The following PWP1 variants were observed in gnomAD, a reference collection of about 807,000 sequenced individuals.
The protein encoded by PWP1 is PWP1 homolog, endonuclein.
In PWP1, 47 loss-of-function variants were observed where a neutral mutation model predicts 69.9. The observed-to-expected ratio is 0.67, with a 90% CI of 0.53 to 0.86. The LOEUF is 0.86. PWP1 is among the 40% of genes least tolerant of loss of function. The probability of loss-of-function intolerance (pLI) is 0.00; values close to 1 mark genes in which losing one functional copy is unlikely to be tolerated. For synonymous variants in PWP1, 222 were observed against 208.2 expected (o/e 1.07, Z -0.57); for missense variants, 551 against 608.8 (o/e 0.91, Z 1.00).
chr12:107,693,346 T>C lies in PWP1; in HGVS notation c.502+250T>C, dbSNP rs370381325. Among the ~76,000 whole-genome samples, 18 of 152,226 alleles carry C rather than the reference T, an allele frequency of 1.2e-4. 1 individual carries two copies. In the South Asian group the frequency reaches 3.7e-3, roughly 32 times the overall value. ...GAAATTTTTCATAGGGGTGTTTTTT[T>C]TTGTTTTTATATATAAACAGGGTCT... On this transcript the variant is annotated intron_variant, in intron 5 of 14. Coordinates refer to ENST00000412830, the MANE Select transcript of PWP1 (RefSeq NM_007062.3).
In PWP1 at chr12:107,697,505, G is replaced by C; in HGVS notation, c.652G>C (p.Glu218Gln). 6.2e-7 allele frequency: 1 copy of C among 1,603,174 alleles called. No homozygotes were observed. The highest frequency in any genetic ancestry group is 8.5e-7 in the Non-Finnish European group (1 of 1,175,940). ...IAVGNMTPVI[E>Q]VWDLDIVDSL... is the part of the protein sequence containing the mutation. Reference sequence around the variant, plus strand: ...TGTAGGAAACATGACCCCTGTTATTGAAGTGTGGGACCTTGATATAGTGGA... The same window carrying C: ...TGTAGGAAACATGACCCCTGTTATTCAAGTGTGGGACCTTGATATAGTGGA... The change falls in exon 7 of 15, where the codon GAA (glutamate) becomes CAA (glutamine). Residue 218 changes from glutamate to glutamine, a missense_variant. Physicochemically the swap from Glu to Gln is conservative, Grantham distance 29 (BLOSUM62 2). Transcript: ENST00000412830.
At chr12:107,686,301 C>CACCACTAG (rs964704738) in intron 1 of PWP1, among the ~76,000 whole-genome samples, 15 of 152,208 alleles carry the variant, frequency 9.9e-5, no homozygotes, top group African/African-American at 3.6e-4. Flanking sequence ...TTTTTGACAA[C>CACCACTAG]ACCACTAGCT....
chr12:107,706,556 C>T (rs1387048804), intron 11 of PWP1, among the ~76,000 whole-genome samples: 2 of 152,040 alleles, frequency 1.3e-5, no homozygotes, highest in Non-Finnish European at 2.9e-5. Context: ...GTCTTTAATC[C>T]ATCTGGAATT....
chr12:107,697,689 C>A, intron 7 of PWP1, 92 bp downstream of exon 7: 2 of 1,299,096 alleles, frequency 1.5e-6, no homozygotes, highest in Non-Finnish European at 2.2e-6. Context: ...CTTTTTCAAT[C>A]AGGTATTCTT....
intron 5 of PWP1, among the ~76,000 whole-genome samples, chr12:107,695,106 A>T (rs1889557772): frequency 6.6e-6 from 1 of 151,504 alleles, no homozygotes; most frequent in Non-Finnish European, 1.5e-5. Context: ...ATACAAAAAA[A>T]AAAAAAAAAA....
Position 107,701,227 on chromosome 12 carries a change from A to G in PWP1, c.807-1708A>G, listed in dbSNP as rs57219111. ...CTGTAGTCTTGACCTTCTGGGGCTC[A>G]GGTGATCCTCCCACCTCAGCCTCCC... On this transcript the variant is annotated intron_variant, in intron 8 of 14. Transcript: ENST00000412830. 1.6e-3 allele frequency among the ~76,000 whole-genome samples: 240 copies of G among 152,194 alleles called. 1 individual carries two copies. Among genetic ancestry groups the G allele is most frequent in the African/African-American group, 5.5e-3 (228 of 41,526 alleles).
chr12:107,686,285 A>G (rs1889363517), intron 1 of PWP1: 1 of 474,994 alleles, frequency 2.1e-6, no homozygotes, highest in Non-Finnish European at 3.9e-6. Flanking sequence ...TAATACCCCA[A>G]AAGGCTTTTT....
intron 3 of PWP1, among the ~76,000 whole-genome samples, chr12:107,691,569 A>G (rs1889479748): frequency 6.6e-6 from 1 of 152,182 alleles, no homozygotes; most frequent in Non-Finnish European, 1.5e-5. Flanking sequence ...GGCACTAGGA[A>G]TGAGGAGGAG....
intron 8 of PWP1, among the ~76,000 whole-genome samples, chr12:107,701,204 G>A (rs761238189): frequency 2.0e-5 from 3 of 152,076 alleles, no homozygotes; most frequent in South Asian, 2.1e-4. Context: ...ACTGCTCACT[G>A]TAGTCTTGAC....
intron 6 of PWP1, among the ~76,000 whole-genome samples, 167 bp downstream of exon 6, chr12:107,696,751 T>G (rs1433500462): frequency 6.6e-6 from 1 of 152,250 alleles, no homozygotes; most frequent in African/African-American, 2.4e-5. Flanking sequence ...ATCACTTTAT[T>G]GTTTGGGGTT....
intron 8 of PWP1, among the ~76,000 whole-genome samples, chr12:107,700,719 AT>A (rs1399514262): frequency 6.6e-6 from 1 of 152,040 alleles, no homozygotes; most frequent in African/African-American, 2.4e-5. Context: ...TGGTAATTCT[AT>A]TTTTAATTTT....
chr12:107,708,890 C>G (rs188407105), intron 11 of PWP1, 36 bp from the exon 12 acceptor site: 2 of 1,568,864 alleles, frequency 1.3e-6, no homozygotes, highest in East Asian at 4.5e-5. Flanking sequence ...GATTTTGTGA[C>G]GTAGCATGAC....
chr12:107,708,538 G>A (rs141919063), intron 11 of PWP1, among the ~76,000 whole-genome samples: 204 of 152,154 alleles, frequency 1.3e-3, no homozygotes, highest in African/African-American at 4.3e-3. Flanking sequence ...TGTTGGTCAC[G>A]CCTTGGTTCC....
rs1889592124 is a variant in PWP1, at chr12:107,696,496, T to G, written c.525T>G (p.Ser175=). ...EVHVYNQEED[S]FYVHHDILLS... The stretch of plus-strand genomic sequence containing the variant: ...CAGTTTATAATCAAGAAGAAGACTC[T>G]TTTTATGTACACCATGATATACTCT... Residue 175 remains serine, a synonymous_variant, in exon 6 of 15, where the codon TCT becomes TCG. Coordinates refer to ENST00000412830, the MANE Select transcript of PWP1 (RefSeq NM_007062.3). The G allele has an allele frequency of 6.2e-7, 1 of 1,613,956 alleles. No individual in the cohort carries two copies.
At chr12:107,686,956 TGA>T (rs992327331) in intron 1 of PWP1, among the ~76,000 whole-genome samples, 1 of 113,488 alleles carries the variant, frequency 8.8e-6, no homozygotes, top group Non-Finnish European at 1.7e-5. Context: ...GGCAACAGAG[TGA>T]GACTCCGTCT....
At position 107,709,172 on chromosome 12, in the gene PWP1, G is replaced by A; in HGVS notation, c.1230G>A (p.Val410=). The part of the protein sequence containing the change: ...CLVTASADKY[V]KIWDILGDRP... ...TGACTGCTTCAGCTGACAAATACGT[G>A]AAGATCTGGGACATCTTAGGAGATA... Residue 410 remains valine, a synonymous_variant, in exon 13 of 15, where the codon GTG becomes GTA. Transcript: ENST00000412830. 1 of 1,613,898 alleles carries A rather than the reference G, an allele frequency of 6.2e-7. No individual in the cohort carries two copies. The highest frequency in any genetic ancestry group is 1.1e-5 in the South Asian group (1 of 91,082).
At chr12:107,698,130 G>C (rs987748328) in intron 7 of PWP1, among the ~76,000 whole-genome samples, 1 of 152,230 alleles carries the variant, frequency 6.6e-6, no homozygotes, top group Non-Finnish European at 1.5e-5. Context: ...AGGAGGCTGA[G>C]GCGGGTGGAT....
At chr12:107,704,852 T>A in intron 11 of PWP1, 105 bp downstream of exon 11, 2 of 932,004 alleles carry the variant, frequency 2.1e-6, no homozygotes, top group Non-Finnish European at 3.3e-6. Context: ...TTTAACAGTA[T>A]GAAGTATTTG....
chr12:107,690,490 G>A (rs1051005037), intron 3 of PWP1, among the ~76,000 whole-genome samples: 1 of 152,222 alleles, frequency 6.6e-6, no homozygotes, highest in African/African-American at 2.4e-5. Context: ...GTGAGACGGA[G>A]TCTTGCTCTG....
Sources: gnomAD v4.1 joint callset for allele counts (sites outside exome capture counted in the v4.1 genomes callset) on GRCh38, gnomAD v4.1.1 for gene constraint, MANE v1.5 for transcripts, NCBI Gene and HGNC (gene_info 2026-07-23, HGNC 2026-07-21) for gene names.